Variants in HOMER1 observed in about 807,000 individuals in gnomAD.
HOMER1 encodes homer scaffold protein 1, also known as homer protein homolog 1.
Under a neutral mutation model 48.9 loss-of-function variants are expected in HOMER1, and 3 were observed. The observed-to-expected ratio is 0.06, with a 90% CI of 0.03 to 0.16. The LOEUF (loss-of-function observed/expected upper bound fraction) is 0.16. Among genes scored for constraint, HOMER1 ranks in the 10% least tolerant of loss-of-function variants. The pLI is 1.00. For missense variants in HOMER1, 247 were observed against 411.4 expected, an observed-to-expected ratio of 0.60 and a Z score of 3.46; for synonymous variants, 134 against 146.4, an observed-to-expected ratio of 0.92 and a Z score of 0.61.
At chr5:79,384,643 C>T in intron 8 of HOMER1, among the ~76,000 whole-genome samples, 1 of 152,086 alleles carries the variant, frequency 6.6e-6, no homozygotes, top group Non-Finnish European at 1.5e-5. Context: ...CTAACTTATT[C>T]TATGAGGCCA....
At chr5:79,430,884 C>T (rs1339284588) in intron 5 of HOMER1, among the ~76,000 whole-genome samples, 1 of 151,602 alleles carries the variant, frequency 6.6e-6, no homozygotes, top group Non-Finnish European at 1.5e-5. Context: ...TTGCAATGAG[C>T]TGAGATCCAG....
At chr5:79,482,755 T>C (rs745728226) in intron 1 of HOMER1, among the ~76,000 whole-genome samples, 17 of 151,908 alleles carry the variant, frequency 1.1e-4, no homozygotes, top group Non-Finnish European at 2.1e-4. Context: ...CCCAGAACTT[T>C]TGGAAGCTCA....
At chr5:79,462,201 AAAAC>A (rs766716429) in intron 1 of HOMER1, among the ~76,000 whole-genome samples, 11 of 152,312 alleles carry the variant, frequency 7.2e-5, no homozygotes, top group Admixed American at 2.6e-4. Context: ...CTCCATCTCA[AAAAC>A]AAACAAACAA....
chr5:79,499,248 T>A (rs1204058328), intron 1 of HOMER1, among the ~76,000 whole-genome samples: 1 of 152,214 alleles, frequency 6.6e-6, no homozygotes, highest in East Asian at 1.9e-4. Flanking sequence ...TGTAAATAGA[T>A]GCATAAGTAT....
At position 79,372,829 on chromosome 5, in the gene HOMER1, A is replaced by G. The variant is rs900075614; in HGVS notation, c.*3180T>C. On this transcript the variant is annotated 3_prime_UTR_variant, in exon 9 of 9. Transcript: ENST00000334082. ...AGAATACATTTAATTTTAACAGGGCAAATAAACTAGTTTTTAAAGGTAGTG... is the reference window on the plus strand; with the variant it reads ...AGAATACATTTAATTTTAACAGGGCGAATAAACTAGTTTTTAAAGGTAGTG... 2.6e-5 allele frequency: 4 copies of G among 152,174 alleles called. No homozygotes were observed. Among genetic ancestry groups the G allele is most frequent in the Non-Finnish European group, 5.9e-5 (4 of 68,006 alleles). 9.4% of individuals were successfully genotyped at this position (152,174 alleles called of 1,614,324 possible).
chr5:79,481,930 A>T (rs886094377), intron 1 of HOMER1, among the ~76,000 whole-genome samples: 1 of 152,170 alleles, frequency 6.6e-6, no homozygotes, highest in Non-Finnish European at 1.5e-5. Context: ...TATTTAAAAG[A>T]ATATAAGTCT....
At chr5:79,465,260 A>C (rs1751425266) in intron 1 of HOMER1, among the ~76,000 whole-genome samples, 1 of 152,094 alleles carries the variant, frequency 6.6e-6, no homozygotes, top group Admixed American at 6.6e-5. Context: ...ATTTGAGCCC[A>C]GGAGTTGGAG....
At chr5:79,510,274 G>C (rs1752902119) in intron 1 of HOMER1, among the ~76,000 whole-genome samples, 1 of 152,046 alleles carries the variant, frequency 6.6e-6, no homozygotes, top group African/African-American at 2.4e-5. Flanking sequence ...CTAAAGGGCA[G>C]ATACATTCAT....
chr5:79,423,257 T>C (rs1475042592), intron 5 of HOMER1, among the ~76,000 whole-genome samples: 3 of 152,206 alleles, frequency 2.0e-5, no homozygotes, highest in African/African-American at 7.2e-5. Flanking sequence ...TTGCTGGTTA[T>C]GATTTAATAC....
At chr5:79,476,883 G>GA (rs1751794912) in intron 1 of HOMER1, among the ~76,000 whole-genome samples, 1 of 152,134 alleles carries the variant, frequency 6.6e-6, no homozygotes, top group African/African-American at 2.4e-5. Flanking sequence ...TAAACTGATT[G>GA]AAAAAACCCA....
intron 5 of HOMER1, among the ~76,000 whole-genome samples, chr5:79,415,817 T>C (rs1340145163): frequency 6.6e-6 from 1 of 152,212 alleles, no homozygotes; most frequent in Non-Finnish European, 1.5e-5. Context: ...CTGTAACAGC[T>C]GGTTAAAAGT....
chr5:79,465,687 G>A (rs1751445082), intron 1 of HOMER1, among the ~76,000 whole-genome samples: 1 of 137,558 alleles, frequency 7.3e-6, no homozygotes, highest in Non-Finnish European at 1.5e-5. Flanking sequence ...CCACCTCCCA[G>A]GTTCACGCCA....
In HOMER1 at chr5:79,513,011, G is replaced by A. The variant is rs1752983718; in HGVS notation, c.-237C>T. On this transcript the variant is annotated 5_prime_UTR_variant, in exon 1 of 9. Coordinates refer to ENST00000334082, the MANE Select transcript of HOMER1 (RefSeq NM_004272.5). ...GGCATTTGCTTATTCGAGTTAAAATGCTTTGCGGAGGAGACAGCGATCAAC... is the reference window on the plus strand; with the variant it reads ...GGCATTTGCTTATTCGAGTTAAAATACTTTGCGGAGGAGACAGCGATCAAC... 1.7e-6 allele frequency: 1 copy of A among 577,316 alleles called. No individual in the cohort carries two copies. The highest frequency in any genetic ancestry group is 3.1e-6 in the Non-Finnish European group (1 of 324,376). The allele number at this position is 577,316 out of a possible 1,614,324, so 35.8% of individuals were successfully genotyped here.
chr5:79,437,115 G>T (rs1750603376), intron 5 of HOMER1, among the ~76,000 whole-genome samples: 1 of 152,124 alleles, frequency 6.6e-6, no homozygotes, highest in African/African-American at 2.4e-5. Context: ...ATTCCAGGTA[G>T]TAACTCCAAA....
chr5:79,397,495 T>C (rs779128267), intron 7 of HOMER1, 32 bp downstream of exon 7: 4 of 1,172,942 alleles, frequency 3.4e-6, no homozygotes, highest in East Asian at 4.7e-5. Flanking sequence ...ACATGTTAGC[T>C]AGATTACAGA....
At chr5:79,403,803 C>A (rs1749591617) in intron 5 of HOMER1, among the ~76,000 whole-genome samples, 1 of 152,064 alleles carries the variant, frequency 6.6e-6, no homozygotes, top group Non-Finnish European at 1.5e-5. Flanking sequence ...TGTGATTTTT[C>A]TATAAGTCTA....
At chr5:79,395,915 T>C (rs571329515) in intron 8 of HOMER1, among the ~76,000 whole-genome samples, 16 of 152,328 alleles carry the variant, frequency 1.1e-4, no homozygotes, top group African/African-American at 3.6e-4. Flanking sequence ...CTGTTCTTAT[T>C]ATAATCTAGG....
intron 1 of HOMER1, among the ~76,000 whole-genome samples, chr5:79,485,778 C>G (rs183464577): frequency 4.5e-4 from 68 of 152,302 alleles, no homozygotes; most frequent in African/African-American, 1.5e-3. Flanking sequence ...GATAGTGTTT[C>G]AGGTTCAGGC....
At chr5:79,482,847 A>T (rs903401950) in intron 1 of HOMER1, among the ~76,000 whole-genome samples, 3 of 151,894 alleles carry the variant, frequency 2.0e-5, no homozygotes, top group Non-Finnish European at 4.4e-5. Context: ...ATATTAAAAA[A>T]AAAAAAATAG....
Sources: gnomAD v4.1 joint callset for allele counts (sites outside exome capture counted in the v4.1 genomes callset) on GRCh38, gnomAD v4.1.1 for gene constraint, MANE v1.5 for transcripts, NCBI Gene and HGNC (gene_info 2026-07-23, HGNC 2026-07-21) for gene names.